KCNIP4: variants seen among roughly 807,000 people sequenced by gnomAD.
KCNIP4 encodes the protein potassium voltage-gated channel interacting protein 4.
KCNIP4 carries 12 observed loss-of-function variants against 34.0 expected under a neutral mutation model. The observed-to-expected ratio is 0.35, with a 90% CI of 0.23 to 0.57. The LOEUF is 0.57. Among genes scored for constraint, KCNIP4 ranks in the 20% least tolerant of loss-of-function variants. The probability of loss-of-function intolerance (pLI) is 0.83; values close to 1 mark genes in which losing one functional copy is unlikely to be tolerated. For synonymous variants in KCNIP4, 124 were observed against 102.2 expected (o/e 1.21, Z -1.29); for missense variants, 238 against 311.7 (o/e 0.76, Z 1.78).
At chr4:21,285,155 C>T (rs1406477495) in intron 1 of KCNIP4, among the ~76,000 whole-genome samples, 2 of 152,114 alleles carry the variant, frequency 1.3e-5, no homozygotes, top group African/African-American at 4.8e-5. Flanking sequence ...GCCTATTTGG[C>T]ACCCTTCTTT....
At chr4:21,418,832 T>C (rs556139479) in intron 1 of KCNIP4, among the ~76,000 whole-genome samples, 1 of 152,142 alleles carries the variant, frequency 6.6e-6, no homozygotes, top group African/African-American at 2.4e-5. Context: ...GCTCCAATCA[T>C]ACAGAAACAT....
chr4:21,429,788 A>T (rs1343766957), intron 1 of KCNIP4, among the ~76,000 whole-genome samples: 1 of 152,210 alleles, frequency 6.6e-6, no homozygotes, highest in Non-Finnish European at 1.5e-5. Context: ...ACTGGGAAGG[A>T]AATTATTTTT....
chr4:21,103,064 T>C (rs1048439155), intron 1 of KCNIP4, among the ~76,000 whole-genome samples: 5 of 152,018 alleles, frequency 3.3e-5, no homozygotes, highest in African/African-American at 1.2e-4. Flanking sequence ...TTAGTTTTAC[T>C]GGTAGGGCTT....
chr4:21,788,955 C>T (rs1184331911), intron 1 of KCNIP4, among the ~76,000 whole-genome samples: 1 of 151,306 alleles, frequency 6.6e-6, no homozygotes, highest in East Asian at 1.9e-4. Flanking sequence ...CGTCTGTAGT[C>T]TCAACTACTT....
At chr4:21,104,777 T>G (rs1748337575) in intron 1 of KCNIP4, among the ~76,000 whole-genome samples, 2 of 151,662 alleles carry the variant, frequency 1.3e-5, no homozygotes, top group Admixed American at 6.6e-5. Context: ...TTGTATAAGG[T>G]GTAAGGAAGG....
At chr4:21,335,812 T>C (rs1716121253) in intron 1 of KCNIP4, among the ~76,000 whole-genome samples, 1 of 152,138 alleles carries the variant, frequency 6.6e-6, no homozygotes, top group African/African-American at 2.4e-5. Context: ...TTTCAAACCT[T>C]ATTATGAAAT....
At chr4:21,250,569 GAC>G (rs1760629929) in intron 1 of KCNIP4, among the ~76,000 whole-genome samples, 1 of 152,070 alleles carries the variant, frequency 6.6e-6, no homozygotes, top group Non-Finnish European at 1.5e-5. Context: ...TATCAAGAGT[GAC>G]AGTTACATAA....
chr4:21,188,607 A>C (rs772816796), intron 1 of KCNIP4, among the ~76,000 whole-genome samples: 40 of 152,332 alleles, frequency 2.6e-4, no homozygotes, highest in South Asian at 1.4e-3. Flanking sequence ...AAACTACTTT[A>C]AATGAATGAT....
At chr4:21,132,706 G>A (rs1217169089) in intron 1 of KCNIP4, among the ~76,000 whole-genome samples, 1 of 152,048 alleles carries the variant, frequency 6.6e-6, no homozygotes, top group Non-Finnish European at 1.5e-5. Context: ...TTTATAACAT[G>A]TTAGAATAAG....
intron 1 of KCNIP4, among the ~76,000 whole-genome samples, chr4:20,901,047 T>A (rs1459586691): frequency 6.6e-6 from 1 of 152,168 alleles, no homozygotes; most frequent in East Asian, 1.9e-4. Flanking sequence ...ATAGCAACAA[T>A]ATTTATGAGA....
chr4:20,794,123 C>A (rs1249806448), intron 3 of KCNIP4, among the ~76,000 whole-genome samples: 1 of 152,104 alleles, frequency 6.6e-6, no homozygotes, highest in Non-Finnish European at 1.5e-5. Flanking sequence ...ATTGTGAGGC[C>A]TCCCCACCCA....
intron 1 of KCNIP4, among the ~76,000 whole-genome samples, chr4:21,087,144 TAA>T (rs1491372551): frequency 1.2e-3 from 80 of 64,672 alleles, no homozygotes; most frequent in African/African-American, 4.6e-3. Flanking sequence ...CACTGCTGGG[TAA>T]TGTGTGTGTG....
intron 1 of KCNIP4, among the ~76,000 whole-genome samples, chr4:21,729,146 TCCCTACCC>T (rs1715409718): frequency 1.3e-5 from 2 of 152,176 alleles, no homozygotes; most frequent in African/African-American, 4.8e-5. Context: ...TACAGGGTTT[TCCCTACCC>T]ATACTGAATA....
intron 3 of KCNIP4, chr4:20,767,040 T>C (rs1755477178): frequency 6.6e-6 from 1 of 152,192 alleles, no homozygotes; most frequent in African/African-American, 2.4e-5. Flanking sequence ...ACATCATATT[T>C]GGTCATTTAA....
intron 1 of KCNIP4, among the ~76,000 whole-genome samples, chr4:21,934,563 T>A (rs1729744453): frequency 6.6e-6 from 1 of 151,988 alleles, no homozygotes; most frequent in African/African-American, 2.4e-5. Flanking sequence ...ACAGGGAGAT[T>A]TTCCAGTTCA....
At chr4:21,020,610 T>G (rs1739948918) in intron 1 of KCNIP4, among the ~76,000 whole-genome samples, 1 of 152,170 alleles carries the variant, frequency 6.6e-6, no homozygotes, top group African/African-American at 2.4e-5. Flanking sequence ...TCTTCGGCTA[T>G]ATGAGCTTGC....
chr4:21,934,108 T>C (rs1231531674), intron 1 of KCNIP4, among the ~76,000 whole-genome samples: 1 of 150,266 alleles, frequency 6.7e-6, no homozygotes, highest in Non-Finnish European at 1.5e-5. Context: ...TTGGAGGGGG[T>C]TGGAAATGCA....
At chr4:21,069,905 T>C (rs1744736184) in intron 1 of KCNIP4, among the ~76,000 whole-genome samples, 1 of 152,128 alleles carries the variant, frequency 6.6e-6, no homozygotes, top group Admixed American at 6.5e-5. Context: ...AATGTGTAGA[T>C]TTGTGTAATC....
chr4:20,882,130 A>C (rs1275093235), intron 2 of KCNIP4, among the ~76,000 whole-genome samples: 1 of 152,206 alleles, frequency 6.6e-6, no homozygotes, highest in Non-Finnish European at 1.5e-5. Flanking sequence ...TGATACAGGG[A>C]AAGAATCAAC....
Sources: allele counts gnomAD v4.1 joint callset (sites outside exome capture counted in the v4.1 genomes callset), GRCh38; gene constraint gnomAD v4.1.1; transcripts MANE v1.5; gene names NCBI Gene and HGNC (gene_info 2026-07-23, HGNC 2026-07-21).